DPH6: variants seen among roughly 807,000 people sequenced by gnomAD.
DPH6 encodes the protein diphthamine biosynthesis 6, also known as diphthine--ammonia ligase.
Under a neutral mutation model 38.2 loss-of-function variants are expected in DPH6, and 33 were observed. That is an observed-to-expected ratio of 0.86 (90% CI 0.65 to 1.15). DPH6 has a LOEUF of 1.15. DPH6 is among the 50% of genes most tolerant of loss of function. DPH6 has a pLI of 0.00. For synonymous variants in DPH6, 108 were observed against 103.0 expected, an observed-to-expected ratio of 1.05 and a Z score of -0.30; for missense variants, 325 against 320.0, an observed-to-expected ratio of 1.02 and a Z score of -0.12.
intron 3 of DPH6, among the ~76,000 whole-genome samples, chr15:35,482,427 T>C (rs924104178): frequency 6.6e-6 from 1 of 152,186 alleles, no homozygotes; most frequent in Non-Finnish European, 1.5e-5. Context: ...GGAAAACTTA[T>C]ACTACTTGAT....
At chr15:35,435,958 G>A (rs1296498830) in intron 5 of DPH6, among the ~76,000 whole-genome samples, 1 of 151,734 alleles carries the variant, frequency 6.6e-6, no homozygotes, top group Non-Finnish European at 1.5e-5. Context: ...TTTTGGGACC[G>A]TAATGGCACC....
At position 35,502,745 on chromosome 15, in the gene DPH6, C is replaced by T. The variant is rs1426199539; in HGVS notation, c.312+35529G>A. Among the ~76,000 whole-genome samples the T allele has an allele frequency of 2.0e-5, 3 of 151,528 alleles. No individual in the cohort carries two copies. The East Asian group carries it at 5.8e-4, about 29-fold the overall frequency. On this transcript the variant is annotated intron_variant, in intron 3 of 8. Coordinates refer to ENST00000256538, the MANE Select transcript of DPH6 (RefSeq NM_080650.4). Reference sequence around the variant, plus strand: ...AGAAAAATTGCAACAATATGTTACACAGTTATTTAACTTATTTGTTAAGAT... The same window carrying T: ...AGAAAAATTGCAACAATATGTTACATAGTTATTTAACTTATTTGTTAAGAT...
chr15:35,454,645 C>T, intron 4 of DPH6, 102 bp downstream of exon 4: 2 of 974,178 alleles, frequency 2.1e-6, no homozygotes, highest in Non-Finnish European at 3.1e-6. Context: ...AGCACGTAGA[C>T]TACCATACCT....
chr15:35,389,642 T>C (rs1018712197), intron 6 of DPH6, among the ~76,000 whole-genome samples: 1 of 152,208 alleles, frequency 6.6e-6, no homozygotes, highest in Non-Finnish European at 1.5e-5. Flanking sequence ...AAGTCTGTTT[T>C]ATCAGAGACT....
rs143555660 is a variant in DPH6, at chr15:35,273,569, A to G, written n.201-52987T>C. ...AGCAACTTCAGCAAAGTCTCAGGAT[A>G]CAAAATCAATGTGCAAAAATCACAA... On this transcript the variant is annotated intron_variant and non_coding_transcript_variant, in intron 3 of 3. Coordinates refer to the DPH6 transcript ENST00000560386. Among the ~76,000 whole-genome samples the G allele has an allele frequency of 1.1e-4, 16 of 152,338 alleles. No homozygotes were observed. The East Asian group carries it at 3.1e-3, about 29-fold the overall frequency.
At chr15:35,441,325 C>T (rs1335778094) in intron 5 of DPH6, among the ~76,000 whole-genome samples, 4 of 152,066 alleles carry the variant, frequency 2.6e-5, no homozygotes, top group African/African-American at 9.7e-5. Flanking sequence ...TACCCAAAGG[C>T]TTATAAATCA....
Position 35,371,149 on chromosome 15 carries a change from AAAGC to A in DPH6, c.*997_*1000del, listed in dbSNP as rs956716761. 2.6e-5 allele frequency: 4 copies of A among 151,812 alleles called. No homozygotes were observed. The highest frequency in any genetic ancestry group is 1.5e-5 in the Non-Finnish European group (1 of 67,792). 9.4% of individuals were successfully genotyped at this position (151,812 alleles called of 1,614,324 possible). A position where few individuals can be genotyped will look rare whatever the true frequency, so the allele number is the denominator to read the frequency against. Reference sequence around the variant, plus strand: ...ATTTCAACTACATTACATTCTGGTAAAAGCAAAACTATGTACACAGTGAAAAGAT... The same window carrying A: ...ATTTCAACTACATTACATTCTGGTAAAAAACTATGTACACAGTGAAAAGAT... On this transcript the variant is annotated 3_prime_UTR_variant, in exon 9 of 9. Coordinates refer to ENST00000256538, the MANE Select transcript of DPH6 (RefSeq NM_080650.4).
At chr15:35,515,722 GAAAAAAAA>G (rs61568573) in intron 3 of DPH6, among the ~76,000 whole-genome samples, 3 of 77,950 alleles carry the variant, frequency 3.8e-5, no homozygotes, top group East Asian at 3.9e-4. Context: ...CTCCGTCTCA[GAAAAAAAA>G]AAAAAAAAAA....
chr15:35,176,952 G>A, the DPH6 span, among the ~76,000 whole-genome samples: 12 of 152,200 alleles, frequency 7.9e-5, no homozygotes, highest in Admixed American at 5.2e-4. Context: ...AAATAGCAGC[G>A]TACGGCATCT....
the DPH6 span, among the ~76,000 whole-genome samples, chr15:35,182,449 G>A: frequency 6.6e-6 from 1 of 151,822 alleles, no homozygotes; most frequent in Non-Finnish European, 1.5e-5. Flanking sequence ...GATGATAATG[G>A]TGAGGATTAT....
chr15:35,237,953 T>C, intron 3 of DPH6: 3 of 1,420,418 alleles, frequency 2.1e-6, no homozygotes, highest in Non-Finnish European at 2.0e-6. Flanking sequence ...TGAAAAAGGT[T>C]ATAACGATGG....
intron 6 of DPH6, among the ~76,000 whole-genome samples, chr15:35,403,968 A>G (rs1248732851): frequency 6.6e-6 from 1 of 152,068 alleles, no homozygotes; most frequent in Non-Finnish European, 1.5e-5. Flanking sequence ...ATAAGTGACA[A>G]TGTGTGATGT....
the DPH6 span, among the ~76,000 whole-genome samples, chr15:35,173,711 C>G: frequency 6.6e-6 from 1 of 152,016 alleles, no homozygotes; most frequent in South Asian, 2.1e-4. Flanking sequence ...GCAGCCATGT[C>G]GAATTAACAG....
chr15:35,512,252 T>C (rs987893184), intron 3 of DPH6, among the ~76,000 whole-genome samples: 3 of 152,162 alleles, frequency 2.0e-5, no homozygotes, highest in Non-Finnish European at 4.4e-5. Flanking sequence ...AAATCAGAAA[T>C]CATTTTTAAA....
At chr15:35,263,590 TAG>T (rs1180303383) in intron 3 of DPH6, among the ~76,000 whole-genome samples, 2 of 151,968 alleles carry the variant, frequency 1.3e-5, no homozygotes, top group East Asian at 3.9e-4. Flanking sequence ...TTATTTTTTG[TAG>T]AGACAGTCTC....
At chr15:35,432,348 A>C (rs1257755868) in intron 5 of DPH6, among the ~76,000 whole-genome samples, 1 of 152,162 alleles carries the variant, frequency 6.6e-6, no homozygotes, top group Non-Finnish European at 1.5e-5. Context: ...GTTTTCTGTC[A>C]TCATTCACTA....
chr15:35,497,909 T>G (rs1180631549), intron 3 of DPH6, among the ~76,000 whole-genome samples: 3 of 152,150 alleles, frequency 2.0e-5, no homozygotes, highest in Non-Finnish European at 2.9e-5. Context: ...ATACATGAAT[T>G]GATGATAACA....
the DPH6 span, among the ~76,000 whole-genome samples, chr15:35,189,709 T>C: frequency 2.0e-5 from 3 of 152,294 alleles, no homozygotes; most frequent in South Asian, 4.1e-4. Context: ...AAATTGGCTA[T>C]AGACAGATTA....
intron 5 of DPH6, among the ~76,000 whole-genome samples, chr15:35,436,205 G>A (rs1017643369): frequency 5.9e-5 from 9 of 151,972 alleles, no homozygotes; most frequent in African/African-American, 2.2e-4. Flanking sequence ...GGTGGCTCAT[G>A]CCTGTAATCC....
Sources: allele counts gnomAD v4.1 joint callset (sites outside exome capture counted in the v4.1 genomes callset), GRCh38; gene constraint gnomAD v4.1.1; transcripts MANE v1.5; gene names NCBI Gene and HGNC (gene_info 2026-07-23, HGNC 2026-07-21).